UBE2E2: variants seen among roughly 807,000 people sequenced by gnomAD.
The protein encoded by UBE2E2 is ubiquitin conjugating enzyme E2 E2, also known as ubiquitin-conjugating enzyme E2 E2.
In UBE2E2, 6 loss-of-function variants were observed where a neutral mutation model predicts 24.7. The observed-to-expected ratio is 0.24, with a 90% CI of 0.13 to 0.48. The LOEUF (loss-of-function observed/expected upper bound fraction) is 0.48. Among genes scored for constraint, UBE2E2 ranks in the 20% least tolerant of loss-of-function variants. The pLI is 0.99. For synonymous variants in UBE2E2, 104 were observed against 83.6 expected (o/e 1.24, Z -1.33); for missense variants, 169 against 245.0 (o/e 0.69, Z 2.07).
chr3:23,489,665 G>A (rs958821782), intron 3 of UBE2E2, among the ~76,000 whole-genome samples: 13 of 152,182 alleles, frequency 8.5e-5, no homozygotes. Context: ...GAACAATGGG[G>A]AGAGCCTGTA....
chr3:23,449,778 G>C (rs1698521256), intron 3 of UBE2E2: 1 of 713,796 alleles, frequency 1.4e-6, no homozygotes, highest in Non-Finnish European at 1.7e-6. Flanking sequence ...AAATAATCCA[G>C]TAAGCAGTGT....
chr3:23,296,022 A>T (rs969372483), intron 3 of UBE2E2, among the ~76,000 whole-genome samples: 1 of 152,214 alleles, frequency 6.6e-6, no homozygotes, highest in Non-Finnish European at 1.5e-5. Flanking sequence ...TATAGCTCTC[A>T]TAGCTTCAAA....
intron 3 of UBE2E2, among the ~76,000 whole-genome samples, chr3:23,433,144 C>G (rs1187757387): frequency 6.6e-6 from 1 of 151,768 alleles, no homozygotes; most frequent in Non-Finnish European, 1.5e-5. Context: ...TATTGAATGT[C>G]AGTTTCTGTA....
intron 3 of UBE2E2, among the ~76,000 whole-genome samples, chr3:23,275,507 T>C (rs913983167): frequency 6.6e-6 from 1 of 152,174 alleles, no homozygotes; most frequent in East Asian, 1.9e-4. Flanking sequence ...CTAAGAGCAA[T>C]GGGAAGCCTT....
intron 3 of UBE2E2, among the ~76,000 whole-genome samples, chr3:23,238,974 G>A (rs1697187233): frequency 6.6e-6 from 1 of 152,064 alleles, no homozygotes. Context: ...TCTATAAGAT[G>A]GAAAATTTAT....
intron 3 of UBE2E2, among the ~76,000 whole-genome samples, chr3:23,320,791 ATC>A (rs1694718765): frequency 6.6e-6 from 1 of 152,098 alleles, no homozygotes; most frequent in African/African-American, 2.4e-5. Context: ...GGCATCCCCC[ATC>A]TCCTGTTAAG....
At chr3:23,219,131 C>CT (rs1047848354) in intron 3 of UBE2E2, among the ~76,000 whole-genome samples, 1 of 152,136 alleles carries the variant, frequency 6.6e-6, no homozygotes, top group Non-Finnish European at 1.5e-5. Context: ...GATAAGTTTG[C>CT]TTTAGAAGCT....
At chr3:23,391,815 A>C (rs754519542) in intron 3 of UBE2E2, among the ~76,000 whole-genome samples, 2 of 152,108 alleles carry the variant, frequency 1.3e-5, no homozygotes, top group Admixed American at 6.6e-5. Flanking sequence ...TTGGATTGTG[A>C]GGGATGTGTA....
At chr3:23,489,790 G>T (rs560996171) in intron 3 of UBE2E2, among the ~76,000 whole-genome samples, 1 of 152,272 alleles carries the variant, frequency 6.6e-6, no homozygotes, top group South Asian at 2.1e-4. Context: ...TTTCTTCTCT[G>T]GGTGTGACCT....
chr3:23,225,761 T>A (rs1347656530), intron 3 of UBE2E2, among the ~76,000 whole-genome samples: 1 of 152,224 alleles, frequency 6.6e-6, no homozygotes, highest in Non-Finnish European at 1.5e-5. Context: ...TTCATTGTCT[T>A]AACTCATTAG....
At chr3:23,287,578 A>G (rs907071077) in intron 3 of UBE2E2, among the ~76,000 whole-genome samples, 1 of 152,046 alleles carries the variant, frequency 6.6e-6, no homozygotes, top group African/African-American at 2.4e-5. Context: ...GAGACTTTTT[A>G]TTATGGATTT....
chr3:23,250,626 C>A (rs1352004757), intron 3 of UBE2E2, among the ~76,000 whole-genome samples: 9 of 152,158 alleles, frequency 5.9e-5, no homozygotes, highest in Admixed American at 1.3e-4. Context: ...ACTCTGTTCC[C>A]TTTATAAGAA....
intron 3 of UBE2E2, among the ~76,000 whole-genome samples, chr3:23,346,576 G>T (rs893924716): frequency 6.6e-6 from 1 of 152,202 alleles, no homozygotes; most frequent in African/African-American, 2.4e-5. Context: ...TTTCACTAAA[G>T]ACTGTGTAAT....
chr3:23,376,644 G>A (rs1351666486), intron 3 of UBE2E2, among the ~76,000 whole-genome samples: 1 of 152,032 alleles, frequency 6.6e-6, no homozygotes, highest in African/African-American at 2.4e-5. Context: ...TGTTACCACA[G>A]GTAAGGTCCC....
intron 3 of UBE2E2, among the ~76,000 whole-genome samples, chr3:23,246,984 G>C (rs1307153424): frequency 6.6e-6 from 1 of 152,098 alleles, no homozygotes; most frequent in African/African-American, 2.4e-5. Context: ...CTAGTAGCTT[G>C]GGCTACATGT....
Position 23,339,202 on chromosome 3 carries a change from G to C in UBE2E2, c.227+121890G>C, listed in dbSNP as rs115622766. On this transcript the variant is annotated intron_variant, in intron 3 of 5. Transcript: ENST00000396703. The stretch of plus-strand genomic sequence containing the variant: ...TCATAGAAAACATCAAACCCAAATT[G>C]AGGGCCATGCTACAAATTATTGACT... 2.0e-3 allele frequency among the ~76,000 whole-genome samples: 300 copies of C among 152,136 alleles called. 3 individuals carry two copies. The highest frequency in any genetic ancestry group is 6.9e-3 in the African/African-American group (286 of 41,516).
At chr3:23,436,676 C>G (rs1385069037) in intron 3 of UBE2E2, among the ~76,000 whole-genome samples, 2 of 151,982 alleles carry the variant, frequency 1.3e-5, no homozygotes, top group Non-Finnish European at 2.9e-5. Flanking sequence ...AAAAACTATA[C>G]TCCCTCCCCA....
intron 3 of UBE2E2, among the ~76,000 whole-genome samples, chr3:23,370,258 C>T (rs1054611523): frequency 1.3e-5 from 2 of 152,090 alleles, no homozygotes; most frequent in East Asian, 1.9e-4. Context: ...ATTTCCCTTT[C>T]TGTCTTTAAG....
intron 5 of UBE2E2, among the ~76,000 whole-genome samples, chr3:23,557,437 C>T (rs764779851): frequency 3.9e-4 from 60 of 152,178 alleles, no homozygotes; most frequent in Non-Finnish European, 7.5e-4. Flanking sequence ...GGGTACAAGA[C>T]GGGAACCAAC....
Sources: allele counts gnomAD v4.1 joint callset (sites outside exome capture counted in the v4.1 genomes callset), GRCh38; gene constraint gnomAD v4.1.1; transcripts MANE v1.5; gene names NCBI Gene and HGNC (gene_info 2026-07-23, HGNC 2026-07-21).